ABRAXAS2: variants seen among roughly 807,000 people sequenced by gnomAD.
ABRAXAS2 encodes BRISC complex subunit Abraxas 2.
ABRAXAS2 carries 23 observed loss-of-function variants against 49.0 expected under a neutral mutation model. The observed-to-expected ratio is 0.47, with a 90% CI of 0.34 to 0.66. The LOEUF is 0.66. Among genes scored for constraint, ABRAXAS2 ranks in the 30% least tolerant of loss-of-function variants. The pLI is 0.01. For synonymous variants in ABRAXAS2, 168 were observed against 180.2 expected, an observed-to-expected ratio of 0.93 and a Z score of 0.54; for missense variants, 443 against 511.9, an observed-to-expected ratio of 0.87 and a Z score of 1.30.
At chr10:124,817,579 A>C (rs958796537) in intron 3 of ABRAXAS2, among the ~76,000 whole-genome samples, 4 of 151,938 alleles carry the variant, frequency 2.6e-5, no homozygotes, top group African/African-American at 9.7e-5. Flanking sequence ...GAATACAATC[A>C]GCGTTCTTGA....
intron 1 of ABRAXAS2, among the ~76,000 whole-genome samples, chr10:124,805,792 T>C (rs551118443): frequency 6.6e-6 from 1 of 152,124 alleles, no homozygotes; most frequent in African/African-American, 2.4e-5. Context: ...AGGAAAGGAG[T>C]AAGCCGTGTG....
Position 124,836,037 on chromosome 10 carries a change from A to T in ABRAXAS2, c.*1066A>T, listed in dbSNP as rs770736200. On this transcript the variant is annotated 3_prime_UTR_variant, in exon 9 of 9. Transcript: ENST00000298492. ...TGGGATGCACTTATATTTTTATTTAATGACTACTTGTTTTCTAGTTTTGCC... is the reference window on the plus strand; with the variant it reads ...TGGGATGCACTTATATTTTTATTTATTGACTACTTGTTTTCTAGTTTTGCC... The T allele has an allele frequency of 3.9e-5, 6 of 152,620 alleles. 1 individual carries two copies. Among genetic ancestry groups the T allele is most frequent in the Non-Finnish European group, 8.8e-5 (6 of 68,034 alleles). 9.5% of individuals were successfully genotyped at this position (152,620 alleles called of 1,614,324 possible).
chr10:124,817,737 C>T (rs1019918763), intron 3 of ABRAXAS2, among the ~76,000 whole-genome samples: 11 of 152,250 alleles, frequency 7.2e-5, no homozygotes, highest in African/African-American at 2.6e-4. Context: ...GGACTTGTGT[C>T]ATATTCACCC....
chr10:124,819,220 A>C (rs1260653393), intron 3 of ABRAXAS2, among the ~76,000 whole-genome samples, 164 bp from the exon 4 acceptor site: 1 of 152,214 alleles, frequency 6.6e-6, no homozygotes, highest in East Asian at 1.9e-4. Flanking sequence ...AAGGGGCCTC[A>C]TTTCAGAAAA....
At position 124,836,639 on chromosome 10, in the gene ABRAXAS2, T is replaced by C. The variant is rs1950970148; in HGVS notation, c.*1668T>C. ...ATGTATATCTGACAAAGCAGTTAAATGTGACAATAAAAAACTTATTTAATC... is the reference window on the plus strand; with the variant it reads ...ATGTATATCTGACAAAGCAGTTAAACGTGACAATAAAAAACTTATTTAATC... On this transcript the variant is annotated 3_prime_UTR_variant, in exon 9 of 9. Coordinates refer to ENST00000298492, the MANE Select transcript of ABRAXAS2 (RefSeq NM_032182.4). 6.6e-6 allele frequency: 1 copy of C among 152,652 alleles called. No individual in the cohort carries two copies. The allele number at this position is 152,652 out of a possible 1,614,324, so 9.5% of individuals were successfully genotyped here. A position where few individuals can be genotyped will look rare whatever the true frequency, so the allele number is the denominator to read the frequency against.
intron 3 of ABRAXAS2, among the ~76,000 whole-genome samples, chr10:124,817,761 C>T (rs182016543): frequency 6.6e-4 from 100 of 152,206 alleles, no homozygotes; most frequent in African/African-American, 2.2e-3. Flanking sequence ...AACATCCACC[C>T]GCACCTATTG....
intron 2 of ABRAXAS2, among the ~76,000 whole-genome samples, chr10:124,807,977 C>T (rs1950758666): frequency 6.6e-6 from 1 of 152,130 alleles, no homozygotes; most frequent in African/African-American, 2.4e-5. Flanking sequence ...GAGGGATAAG[C>T]CAAATACCCA....
At position 124,830,568 on chromosome 10, in the gene ABRAXAS2, C is replaced by A. The variant is rs937544382; in HGVS notation, c.664-781C>A. Among the ~76,000 whole-genome samples the A allele has an allele frequency of 1.2e-4, 19 of 152,320 alleles. No individual in the cohort carries two copies. In the East Asian group the frequency reaches 3.7e-3, roughly 29 times the overall value. ...GGCAAAGGGAGAAGCATGCAAGAGC[C>A]ATTTCCAGTCTAGTGTTCCAAATCA... On this transcript the variant is annotated intron_variant, in intron 7 of 8. Transcript: ENST00000298492.
In ABRAXAS2 at chr10:124,832,356, G is replaced by GT. The variant is rs1235652034; in HGVS notation, c.778+894dup. ...TTCCAGCATAACAGCCATGTTTGCTGTAACACCACCAGAATTAATATCTGT... is the reference window on the plus strand; with the variant it reads ...TTCCAGCATAACAGCCATGTTTGCTGTTAACACCACCAGAATTAATATCTGT... On this transcript the variant is annotated intron_variant, in intron 8 of 8. Coordinates refer to ENST00000298492, the MANE Select transcript of ABRAXAS2 (RefSeq NM_032182.4). 2.0e-5 allele frequency among the ~76,000 whole-genome samples: 3 copies of GT among 152,160 alleles called. No homozygotes were observed. The East Asian group carries it at 5.8e-4, about 29-fold the overall frequency.
chr10:124,829,915 C>T (rs558775405), intron 7 of ABRAXAS2, among the ~76,000 whole-genome samples: 1 of 152,310 alleles, frequency 6.6e-6, no homozygotes, highest in African/African-American at 2.4e-5. Context: ...AGAGCCTGTT[C>T]ACTCCTAGTC....
intron 4 of ABRAXAS2, among the ~76,000 whole-genome samples, chr10:124,821,797 A>G (rs1449086438): frequency 6.6e-6 from 1 of 152,178 alleles, no homozygotes; most frequent in Non-Finnish European, 1.5e-5. Context: ...CAGTTTTGCA[A>G]TCACCGAAAG....
chr10:124,814,487 G>A (rs1950811065), intron 2 of ABRAXAS2, among the ~76,000 whole-genome samples: 2 of 151,686 alleles, frequency 1.3e-5, no homozygotes, highest in South Asian at 2.1e-4. Flanking sequence ...AAGTAGCTGG[G>A]ATTACAGGTA....
At chr10:124,804,726 T>TC (rs1367300727) in intron 1 of ABRAXAS2, among the ~76,000 whole-genome samples, 1 of 149,882 alleles carries the variant, frequency 6.7e-6, no homozygotes, top group Non-Finnish European at 1.5e-5. Context: ...TCTTTTTTTT[T>TC]TTTTTGAGAC....
intron 1 of ABRAXAS2, among the ~76,000 whole-genome samples, chr10:124,802,939 C>A (rs956769946): frequency 5.3e-5 from 8 of 152,120 alleles, no homozygotes; most frequent in Non-Finnish European, 7.3e-5. Context: ...AATTATTGTA[C>A]CTTTCATCTC....
intron 5 of ABRAXAS2, among the ~76,000 whole-genome samples, chr10:124,827,284 C>T (rs1188898060): frequency 6.6e-6 from 1 of 150,938 alleles, no homozygotes; most frequent in African/African-American, 2.4e-5. Flanking sequence ...CTCAGCCTCT[C>T]GAGTAGCTGG....
At chr10:124,822,791 CA>C (rs538474876) in intron 4 of ABRAXAS2, among the ~76,000 whole-genome samples, 12,161 of 65,660 alleles carry the variant, frequency 0.19, 662 homozygotes, top group African/African-American at 0.34. Context: ...GACTCCAACT[CA>C]AAAAAAAAAA....
chr10:124,829,251 T>C, intron 6 of ABRAXAS2, 142 bp from the exon 7 acceptor site: 1 of 621,824 alleles, frequency 1.6e-6, no homozygotes, highest in Non-Finnish European at 2.8e-6. Flanking sequence ...GTAATTCTTG[T>C]GGTATGGGCA....
intron 1 of ABRAXAS2, among the ~76,000 whole-genome samples, chr10:124,802,877 TAAA>T (rs1221294581): frequency 3.3e-5 from 5 of 152,200 alleles, no homozygotes; most frequent in Non-Finnish European, 7.3e-5. Context: ...CTTCCATTAA[TAAA>T]AACTGATTTC....
Position 124,810,934 on chromosome 10 carries a change from A to G in ABRAXAS2, c.163+4013A>G, listed in dbSNP as rs545501509. Among the ~76,000 whole-genome samples, 11 of 150,522 alleles carry G rather than the reference A, an allele frequency of 7.3e-5. No homozygotes were observed. The East Asian group carries it at 2.2e-3, about 30-fold the overall frequency. ...TTTTGCTTAATTCTTTAAAACCCTA[A>G]AACAGCCGGGCGTGGTGGCTCACGC... is the stretch of plus-strand genomic sequence containing the variant. On this transcript the variant is annotated intron_variant, in intron 2 of 8. Transcript: ENST00000298492.
Sources: allele counts gnomAD v4.1 joint callset (sites outside exome capture counted in the v4.1 genomes callset), GRCh38; gene constraint gnomAD v4.1.1; transcripts MANE v1.5; gene names NCBI Gene and HGNC (gene_info 2026-07-23, HGNC 2026-07-21).